Variants in PTDSS2 observed in about 807,000 individuals in gnomAD.
PTDSS2 encodes PSS-2.
PTDSS2 carries 41 observed loss-of-function variants against 64.7 expected under a neutral mutation model. That is an observed-to-expected ratio of 0.63 (90% confidence interval 0.49 to 0.82). The LOEUF is 0.82. Ranked by LOEUF, PTDSS2 falls within the 40% of genes least tolerant of loss-of-function variation. The pLI is 0.00. For missense variants in PTDSS2, 485 were observed against 650.0 expected (o/e 0.75, Z 2.76); for synonymous variants, 297 against 277.8 (o/e 1.07, Z -0.69).
chr11:452,232 T>G (rs762592993), intron 1 of PTDSS2, among the ~76,000 whole-genome samples: 1 of 152,198 alleles, frequency 6.6e-6, no homozygotes, highest in Non-Finnish European at 1.5e-5. Context: ...TTCAGCACAT[T>G]GTGGGGACCC....
chr11:488,678 G>T lies in PTDSS2; in HGVS notation c.854+31G>T, dbSNP rs774190333. ...TCGTGGGGGCTGCGAGGGCAGGGCC[G>T]GGTGGGGGTTACCTGGAGGCAGCCT... On this transcript the variant is annotated intron_variant, in intron 8 of 11. Transcript: ENST00000308020. 27 of 1,517,052 alleles carry T rather than the reference G, an allele frequency of 1.8e-5. No homozygotes were observed. The Admixed American group carries it at 3.0e-4, about 17-fold the overall frequency. The allele number at this position is 1,517,052 out of a possible 1,614,324, so 94.0% of individuals were successfully genotyped here.
At chr11:468,666 C>A (rs1473837418) in intron 2 of PTDSS2, among the ~76,000 whole-genome samples, 2 of 152,210 alleles carry the variant, frequency 1.3e-5, no homozygotes, top group Non-Finnish European at 2.9e-5. Context: ...GAGGTGCTGA[C>A]TGGCAGCTCT....
intron 2 of PTDSS2, 57 bp from the exon 3 acceptor site, chr11:473,838 C>G: frequency 7.3e-7 from 1 of 1,364,018 alleles, no homozygotes. Context: ...CAGCCTCCCA[C>G]CTCCCTCCTG....
At chr11:490,271 G>C in intron 11 of PTDSS2, 149 bp from the exon 12 acceptor site, 1 of 1,234,952 alleles carries the variant, frequency 8.1e-7, no homozygotes, top group Non-Finnish European at 1.1e-6. Flanking sequence ...CAGGGCTCCA[G>C]TCTGCCACGG....
At chr11:453,816 G>A (rs1303271879) in intron 1 of PTDSS2, among the ~76,000 whole-genome samples, 1 of 152,252 alleles carries the variant, frequency 6.6e-6, no homozygotes, top group Non-Finnish European at 1.5e-5. Flanking sequence ...GAGTGGACAT[G>A]AGAGTGACCA....
In PTDSS2 at chr11:488,203, T is replaced by C. The variant is rs1239850118; in HGVS notation, c.626T>C (p.Leu209Pro). Reference sequence around the variant, plus strand: ...GGCTGACCCTGGCGCCCACAGACCCTGATGATCCGAGACTGGTGGATGTGC... The same window carrying C: ...GGCTGACCCTGGCGCCCACAGACCCCGATGATCCGAGACTGGTGGATGTGC... ...AHFLGWYLKTLMIRDWWMCMI... is the reference protein window; with the variant it reads ...AHFLGWYLKTPMIRDWWMCMI... Residue 209 changes from leucine (L) to proline (P), a missense_variant, in exon 7 of 12, where the codon CTG becomes CCG. By Grantham distance (98) the Leu-to-Pro change is moderately conservative. This residue lies in a region of PTDSS2 where 251 missense variants were observed against 348.0 expected (regional missense o/e 0.72). Transcript: ENST00000308020. 1.2e-6 allele frequency: 2 copies of C among 1,611,786 alleles called. No homozygotes were observed. Among genetic ancestry groups the C allele is most frequent in the Non-Finnish European group, 1.7e-6 (2 of 1,178,790 alleles).
chr11:462,789 C>CAGGGTGTCCAGA lies in PTDSS2; in HGVS notation c.284+2505_284+2516dup, dbSNP rs1302948092. The CAGGGTGTCCAGA allele has an allele frequency of 2.0e-5, 3 of 152,252 alleles. No homozygotes were observed. The East Asian group carries it at 5.8e-4, about 29-fold the overall frequency. 9.4% of individuals were successfully genotyped at this position (152,252 alleles called of 1,614,324 possible). A position where few individuals can be genotyped will look rare whatever the true frequency, so the allele number is the denominator to read the frequency against. On this transcript the variant is annotated intron_variant, in intron 2 of 11. Transcript: ENST00000308020. This position sits in a 1 kb window ranked among gnomAD's most constrained non-coding sequence, Gnocchi z 4.5. ...TGCCCACACACAGGGTGTCCCCACA[C>CAGGGTGTCCAGA]AGGGTGTCCAGAAGGCTGTGGGGGC...
At chr11:451,847 G>A (rs1018691515) in intron 1 of PTDSS2, among the ~76,000 whole-genome samples, 3 of 152,216 alleles carry the variant, frequency 2.0e-5, no homozygotes, top group African/African-American at 4.8e-5. Context: ...GGTGTGGGCA[G>A]CTGCTGTTGC....
rs760058546 is a variant in PTDSS2, at chr11:490,801, C to CGTGTACGCGT, written c.*223_*224insACGCGTGTGT. 28,028 of 575,770 alleles carry CGTGTACGCGT rather than the reference C, an allele frequency of 0.049. 1,116 individuals carry two copies. Among genetic ancestry groups the CGTGTACGCGT allele is most frequent in the Admixed American group, 0.16 (5,019 of 31,572 alleles). The allele number at this position is 575,770 out of a possible 1,614,324, so 35.7% of individuals were successfully genotyped here. A position where few individuals can be genotyped will look rare whatever the true frequency, so the allele number is the denominator to read the frequency against. Reference sequence around the variant, plus strand: ...GTACGTGTGTATGCGTGTGTGTACGCGTGTGTACGCGCGTGTGTACACATG... The same window carrying CGTGTACGCGT: ...GTACGTGTGTATGCGTGTGTGTACGCGTGTACGCGTGTGTGTACGCGCGTGTGTACACATG... On this transcript the variant is annotated 3_prime_UTR_variant, in exon 12 of 12. Coordinates refer to ENST00000308020, the MANE Select transcript of PTDSS2 (RefSeq NM_030783.3).
chr11:485,243 GGC>G (rs1848285486), intron 4 of PTDSS2, among the ~76,000 whole-genome samples: 2 of 127,390 alleles, frequency 1.6e-5, no homozygotes, highest in African/African-American at 3.0e-5. Flanking sequence ...AAACTGCACG[GGC>G]GCGTGTGTGC....
At chr11:468,164 G>A (rs574994948) in intron 2 of PTDSS2, among the ~76,000 whole-genome samples, 7 of 152,336 alleles carry the variant, frequency 4.6e-5, no homozygotes, top group Non-Finnish European at 7.3e-5. Flanking sequence ...CACTGCGACC[G>A]GGAGGAACCT....
In PTDSS2 at chr11:491,286, A is replaced by T. The variant is rs1380444161; in HGVS notation, c.*704A>T. The stretch of plus-strand genomic sequence containing the variant: ...GAGCTGCCCCTCAAGGGGGCCTGGA[A>T]CCCGGGTGCTGGGGTCATGCTGCCT... On this transcript the variant is annotated 3_prime_UTR_variant, in exon 12 of 12. Transcript: ENST00000308020. 6.6e-6 allele frequency: 1 copy of T among 152,316 alleles called. No individual in the cohort carries two copies. Among genetic ancestry groups the T allele is most frequent in the Non-Finnish European group, 1.5e-5 (1 of 68,156 alleles). 9.4% of individuals were successfully genotyped at this position (152,316 alleles called of 1,614,324 possible).
chr11:483,989 G>A (rs1175270794), intron 4 of PTDSS2, among the ~76,000 whole-genome samples: 2 of 152,242 alleles, frequency 1.3e-5, no homozygotes, highest in African/African-American at 2.4e-5. Flanking sequence ...AGCCTGCATG[G>A]AGGGAGGGGA....
At position 485,660 on chromosome 11, in the gene PTDSS2, G is replaced by A. The variant is rs547737055; in HGVS notation, c.436-1279G>A. Reference sequence around the variant, plus strand: ...ACGGGCGCGTGTGTGCTCACTGTGCGCAGGCGAGTTTAAACAGCGCACGGG... The same window carrying A: ...ACGGGCGCGTGTGTGCTCACTGTGCACAGGCGAGTTTAAACAGCGCACGGG... On this transcript the variant is annotated intron_variant, in intron 4 of 11. Coordinates refer to ENST00000308020, the MANE Select transcript of PTDSS2 (RefSeq NM_030783.3). Among the ~76,000 whole-genome samples the A allele has an allele frequency of 4.2e-3, 613 of 147,476 alleles. 3 individuals are homozygous for A. Among genetic ancestry groups the A allele is most frequent in the Non-Finnish European group, 5.7e-3 (383 of 66,766 alleles).
rs1221650026 is a variant in PTDSS2, at chr11:462,066, A to AC, written c.284+1778_284+1779insC. On this transcript the variant is annotated intron_variant, in intron 2 of 11. Transcript: ENST00000308020. This position sits in a 1 kb window ranked among gnomAD's most constrained non-coding sequence, Gnocchi z 4.5. ...CACCTCAAGTGTCCCACATGGCAAG[A>AC]ATTGTCAAGAGCAGGAGTGCAGGGG... is the stretch of plus-strand genomic sequence containing the variant. Among the ~76,000 whole-genome samples, 2 of 152,150 alleles carry AC rather than the reference A, an allele frequency of 1.3e-5. No homozygotes were observed. The highest frequency in any genetic ancestry group is 4.8e-5 in the African/African-American group (2 of 41,444).
chr11:459,315 G>A (rs961910764), intron 1 of PTDSS2: 2 of 144,640 alleles, frequency 1.4e-5, no homozygotes, highest in South Asian at 2.2e-4. Flanking sequence ...GGTGGATGTC[G>A]GACCTGGGTT....
In PTDSS2 at chr11:465,332, C is replaced by T. The variant is rs115519636; in HGVS notation, c.284+5044C>T. Among the ~76,000 whole-genome samples the T allele has an allele frequency of 3.5e-3, 530 of 152,290 alleles. 2 individuals carry two copies. The highest frequency in any genetic ancestry group is 0.011 in the African/African-American group (441 of 41,564). ...CAGCCTCCCAAGGAGCTAGGACTAC[C>T]GGTGTGCACCACCACACCCAGCTAC... On this transcript the variant is annotated intron_variant, in intron 2 of 11. Transcript: ENST00000308020.
At position 486,856 on chromosome 11, in the gene PTDSS2, A is replaced by T. The variant is rs1201533682; in HGVS notation, c.436-83A>T. ...GAGCGAGACTCCATCTCAAAAAAAT[A>T]AAATAAATAAACAACCATGATCTCC... On this transcript the variant is annotated intron_variant, in intron 4 of 11. Coordinates refer to ENST00000308020, the MANE Select transcript of PTDSS2 (RefSeq NM_030783.3). The T allele has an allele frequency of 6.6e-4, 989 of 1,496,938 alleles. 3 individuals carry two copies. Among genetic ancestry groups the T allele is most frequent in the East Asian group, 1.1e-3 (48 of 42,996 alleles). 92.7% of individuals were successfully genotyped at this position (1,496,938 alleles called of 1,614,324 possible). A position where few individuals can be genotyped will look rare whatever the true frequency, so the allele number is the denominator to read the frequency against.
chr11:471,225 A>G (rs1243819906), intron 2 of PTDSS2, among the ~76,000 whole-genome samples: 1 of 150,438 alleles, frequency 6.6e-6, no homozygotes, highest in African/African-American at 2.5e-5. Flanking sequence ...CCTCCCGAGT[A>G]GCTGGGATTA....
Sources: gnomAD v4.1 joint callset for allele counts (sites outside exome capture counted in the v4.1 genomes callset) on GRCh38, gnomAD v4.1.1 for gene constraint, gnomAD v4.1.1 regional missense constraint, Gnocchi (gnomAD v3.1) non-coding constraint, MANE v1.5 for transcripts, NCBI Gene and HGNC (gene_info 2026-07-23, HGNC 2026-07-21) for gene names.